NEK11: variants seen among roughly 807,000 people sequenced by gnomAD.
NEK11 encodes the protein serine/threonine-protein kinase Nek11.
NEK11 carries 72 observed loss-of-function variants against 80.7 expected under a neutral mutation model. That is an observed-to-expected ratio of 0.89 (90% CI 0.74 to 1.08). NEK11 has a LOEUF of 1.08. Among genes scored for constraint, NEK11 ranks in the 50% least tolerant of loss-of-function variants. The pLI, the probability that NEK11 is intolerant of heterozygous loss-of-function variation, is 0.00. For synonymous variants in NEK11, 251 were observed against 260.7 expected, an observed-to-expected ratio of 0.96 and a Z score of 0.36; for missense variants, 764 against 763.6, an observed-to-expected ratio of 1.00 and a Z score of -0.01.
In NEK11 at chr3:131,132,093, G is replaced by C. The variant is rs891473786; in HGVS notation, c.456-652G>C. Among the ~76,000 whole-genome samples, 16 of 151,926 alleles carry C rather than the reference G, an allele frequency of 1.1e-4. 1 individual carries two copies. Among genetic ancestry groups the C allele is most frequent in the Non-Finnish European group, 2.9e-5 (2 of 67,900 alleles). On this transcript the variant is annotated intron_variant, in intron 5 of 17. Transcript: ENST00000383366. ...TTTCTCTTCTTTCAAATTTGTTAATGTTTTATGGCCTAGAATGACTTTCAG... is the reference window on the plus strand; with the variant it reads ...TTTCTCTTCTTTCAAATTTGTTAATCTTTTATGGCCTAGAATGACTTTCAG...
chr3:131,262,761 C>T (rs970913726), intron 16 of NEK11, among the ~76,000 whole-genome samples: 2 of 151,996 alleles, frequency 1.3e-5, no homozygotes, highest in African/African-American at 4.8e-5. Context: ...TTTGCTGCAC[C>T]CATCAGCCCG....
intron 14 of NEK11, among the ~76,000 whole-genome samples, chr3:131,195,645 T>C (rs1450787922): frequency 6.6e-6 from 1 of 152,020 alleles, no homozygotes; most frequent in Non-Finnish European, 1.5e-5. Flanking sequence ...CTGCACAACA[T>C]CAGGGACCTC....
intron 14 of NEK11, among the ~76,000 whole-genome samples, chr3:131,219,644 A>G (rs898157740): frequency 1.3e-5 from 2 of 152,092 alleles, no homozygotes; most frequent in Non-Finnish European, 2.9e-5. Context: ...AAGCAGCAAG[A>G]GGGAAGCCAA....
intron 17 of NEK11, among the ~76,000 whole-genome samples, chr3:131,286,041 G>A (rs1391026873): frequency 1.3e-5 from 2 of 152,106 alleles, no homozygotes; most frequent in East Asian, 3.8e-4. Flanking sequence ...GTATTAAGTG[G>A]TCACCCAATA....
At chr3:131,124,074 C>G (rs763346463) in intron 5 of NEK11, among the ~76,000 whole-genome samples, 1 of 152,120 alleles carries the variant, frequency 6.6e-6, no homozygotes, top group Non-Finnish European at 1.5e-5. Context: ...GGCTGTAACA[C>G]GACCACGTAT....
intron 14 of NEK11, among the ~76,000 whole-genome samples, chr3:131,193,896 C>T (rs1389805016): frequency 2.0e-5 from 3 of 152,176 alleles, no homozygotes; most frequent in Non-Finnish European, 2.9e-5. Flanking sequence ...TTTTTCATCA[C>T]TGAAGAATCT....
chr3:131,124,415 T>C (rs914771615), intron 5 of NEK11, among the ~76,000 whole-genome samples: 1 of 152,162 alleles, frequency 6.6e-6, no homozygotes, highest in Non-Finnish European at 1.5e-5. Flanking sequence ...ATATCCCTGG[T>C]GATGATGGTT....
chr3:131,146,561 G>A (rs2149748957), intron 7 of NEK11, among the ~76,000 whole-genome samples: 1 of 152,216 alleles, frequency 6.6e-6, no homozygotes, highest in Middle Eastern at 3.4e-3. Flanking sequence ...AAATAACCAA[G>A]TATATTGTGG....
chr3:131,215,201 C>T (rs1428910987), intron 14 of NEK11, among the ~76,000 whole-genome samples: 2 of 144,684 alleles, frequency 1.4e-5, no homozygotes, highest in African/African-American at 2.6e-5. Context: ...CATGTTCTCA[C>T]TCATAGGTGG....
chr3:131,348,247 A>G lies in NEK11; in HGVS notation c.1719-1310A>G, dbSNP rs1283798787. 2.0e-5 allele frequency among the ~76,000 whole-genome samples: 3 copies of G among 152,290 alleles called. No homozygotes were observed. In the East Asian group the frequency reaches 5.8e-4, roughly 29 times the overall value. On this transcript the variant is annotated intron_variant, in intron 17 of 17. Transcript: ENST00000383366. The stretch of plus-strand genomic sequence containing the variant: ...TATCTAAAGATGAGGTATTCACACT[A>G]TGTTATAGTGCAAAGGAGCAAAAAA...
intron 3 of NEK11, among the ~76,000 whole-genome samples, chr3:131,051,697 T>G (rs2068441194): frequency 1.3e-5 from 2 of 152,100 alleles, no homozygotes; most frequent in African/African-American, 4.8e-5. Flanking sequence ...AAGAAAATTT[T>G]TTTTTGATAC....
At chr3:131,310,552 A>C (rs2096771298) in intron 17 of NEK11, among the ~76,000 whole-genome samples, 2 of 148,592 alleles carry the variant, frequency 1.3e-5, no homozygotes, top group Admixed American at 6.7e-5. Context: ...CTTGCATCTC[A>C]ATTTTTCTTC....
chr3:131,062,026 G>C (rs6769994), intron 3 of NEK11, among the ~76,000 whole-genome samples: 26,628 of 152,198 alleles, frequency 0.17, 2,434 homozygotes, highest in Non-Finnish European at 0.21. Context: ...ACTAGTAACA[G>C]TAGGCACCAA....
chr3:131,177,442 C>T (rs914650588), intron 14 of NEK11, among the ~76,000 whole-genome samples: 3 of 152,110 alleles, frequency 2.0e-5, no homozygotes, highest in Admixed American at 1.3e-4. Context: ...GTATTTCGCT[C>T]AATCAGTGAC....
At chr3:131,248,593 C>G (rs560127230) in intron 16 of NEK11, among the ~76,000 whole-genome samples, 3 of 152,054 alleles carry the variant, frequency 2.0e-5, no homozygotes, top group African/African-American at 7.2e-5. Context: ...ATTGCATGGT[C>G]CCCCCGTGGA....
At chr3:131,204,148 A>G (rs1305249777) in intron 14 of NEK11, among the ~76,000 whole-genome samples, 1 of 152,054 alleles carries the variant, frequency 6.6e-6, no homozygotes, top group Non-Finnish European at 1.5e-5. Context: ...AAAAAACCCA[A>G]AAGGATGGAG....
chr3:131,077,992 A>T (rs2074648170), intron 3 of NEK11, among the ~76,000 whole-genome samples: 1 of 152,236 alleles, frequency 6.6e-6, no homozygotes, highest in Admixed American at 6.5e-5. Flanking sequence ...AGGGGAAGGA[A>T]GACAAGTGTT....
chr3:131,338,207 C>T (rs753144539), intron 17 of NEK11, among the ~76,000 whole-genome samples: 2 of 151,124 alleles, frequency 1.3e-5, no homozygotes, highest in Admixed American at 1.3e-4. Context: ...CCTCGTGATC[C>T]ACTGGCCTCG....
chr3:131,165,290 T>C, intron 11 of NEK11, 136 bp from the exon 12 acceptor site: 1 of 606,360 alleles, frequency 1.6e-6, no homozygotes. Flanking sequence ...TTCACCTTGA[T>C]GAGGAAGAGA....
Sources: allele counts gnomAD v4.1 joint callset (sites outside exome capture counted in the v4.1 genomes callset), GRCh38; gene constraint gnomAD v4.1.1; transcripts MANE v1.5; gene names NCBI Gene and HGNC (gene_info 2026-07-23, HGNC 2026-07-21).